The following TCF12 variants were observed in gnomAD, a reference collection of about 807,000 sequenced individuals.
TCF12 encodes the protein DNA-binding protein HTF4.
TCF12 carries 45 observed loss-of-function variants against 86.0 expected under a neutral mutation model. The ratio of observed to expected loss-of-function variants is 0.52; its 90% CI spans 0.41 to 0.67. The LOEUF (loss-of-function observed/expected upper bound fraction) is 0.67. TCF12 is among the 30% of genes least tolerant of loss of function. The pLI, the probability that TCF12 is intolerant of heterozygous loss-of-function variation, is 0.00. For synonymous variants in TCF12, 330 were observed against 299.6 expected, an observed-to-expected ratio of 1.10 and a Z score of -1.05; for missense variants, 881 against 859.9, an observed-to-expected ratio of 1.02 and a Z score of -0.31.
chr15:57,089,939 G>A (rs1349499281), intron 4 of TCF12, among the ~76,000 whole-genome samples: 1 of 152,152 alleles, frequency 6.6e-6, no homozygotes, highest in African/African-American at 2.4e-5. Flanking sequence ...TATGGGCCAG[G>A]CATGGTGGCT....
At chr15:57,126,345 A>G (rs1430513664) in intron 5 of TCF12, among the ~76,000 whole-genome samples, 1 of 152,184 alleles carries the variant, frequency 6.6e-6, no homozygotes. Context: ...TTGTTGAATC[A>G]TCCTTATAAA....
intron 9 of TCF12, 95 bp downstream of exon 9, chr15:57,231,352 G>T: frequency 3.2e-6 from 3 of 928,930 alleles, no homozygotes; most frequent in Non-Finnish European, 4.8e-6. Context: ...CTATATTCAG[G>T]CCTTATTTAG....
At chr15:57,015,261 C>G (rs1172897021) in intron 3 of TCF12, among the ~76,000 whole-genome samples, 1 of 152,190 alleles carries the variant, frequency 6.6e-6, no homozygotes, top group Non-Finnish European at 1.5e-5. Context: ...GCACTCCAGC[C>G]TGGGCGATAG....
chr15:57,077,240 G>T (rs1344245954), intron 4 of TCF12, among the ~76,000 whole-genome samples: 3 of 151,850 alleles, frequency 2.0e-5, no homozygotes, highest in Admixed American at 1.3e-4. Context: ...CAGTTGGAGG[G>T]GGAACTTAAC....
chr15:57,281,424 G>A (rs17820131), intron 19 of TCF12, among the ~76,000 whole-genome samples: 6,086 of 152,182 alleles, frequency 0.04, 375 homozygotes, highest in Admixed American at 0.17. Context: ...CTTCTCCCTC[G>A]AATTGGCACA....
At chr15:56,920,568 T>A (rs2059745833) in intron 2 of TCF12, among the ~76,000 whole-genome samples, 1 of 151,654 alleles carries the variant, frequency 6.6e-6, no homozygotes, top group Non-Finnish European at 1.5e-5. Context: ...AAGGGCCCAC[T>A]GCTTTTATTT....
intron 19 of TCF12, chr15:57,281,789 A>C (rs1470323380): frequency 6.5e-6 from 1 of 152,900 alleles, no homozygotes; most frequent in Non-Finnish European, 1.5e-5. Flanking sequence ...CCACTGACTT[A>C]ATGGTGAGTT....
At position 57,107,261 on chromosome 15, in the gene TCF12, G is replaced by T. The variant is rs557210404; in HGVS notation, c.325+15370G>T. 3.3e-4 allele frequency among the ~76,000 whole-genome samples: 50 copies of T among 152,350 alleles called. 1 individual carries two copies. The South Asian group carries it at 0.01, about 31-fold the overall frequency. On this transcript the variant is annotated intron_variant, in intron 5 of 20. Transcript: ENST00000333725. The stretch of plus-strand genomic sequence containing the variant: ...GAAATGAGCTATCAAGCCATGAAGA[G>T]AGATGGAGGAACCGTAAGTGCAGAT...
At chr15:56,954,423 A>C (rs551830267) in intron 3 of TCF12, among the ~76,000 whole-genome samples, 6 of 152,206 alleles carry the variant, frequency 3.9e-5, no homozygotes, top group African/African-American at 1.4e-4. Context: ...AATTAATTCA[A>C]GATGGATTAA....
At chr15:57,225,685 C>G (rs1234570516) in intron 8 of TCF12, among the ~76,000 whole-genome samples, 2 of 152,042 alleles carry the variant, frequency 1.3e-5, no homozygotes, top group African/African-American at 4.8e-5. Context: ...CTGATATCTT[C>G]CTAGCACTCT....
chr15:57,100,315 C>G (rs111729722), intron 5 of TCF12, among the ~76,000 whole-genome samples: 27 of 152,214 alleles, frequency 1.8e-4, no homozygotes, highest in Non-Finnish European at 3.7e-4. Context: ...AGAAGCACAC[C>G]ATAGCACGCA....
chr15:57,058,571 A>G (rs1469297954), intron 3 of TCF12, among the ~76,000 whole-genome samples: 1 of 152,166 alleles, frequency 6.6e-6, no homozygotes, highest in African/African-American at 2.4e-5. Context: ...CACCGGACTT[A>G]CTTTCTTACA....
In TCF12 at chr15:57,024,533, T is replaced by C. The variant is rs1007742128; in HGVS notation, c.149-39217T>C. ...CCAACCCAAAAAAGGTTCTTGATCCTGAGTTTGGAACCAAATGAAAAATAA... is the reference window on the plus strand; with the variant it reads ...CCAACCCAAAAAAGGTTCTTGATCCCGAGTTTGGAACCAAATGAAAAATAA... On this transcript the variant is annotated intron_variant, in intron 3 of 20. Transcript: ENST00000333725. Among the ~76,000 whole-genome samples the C allele has an allele frequency of 2.6e-5, 4 of 152,242 alleles. No homozygotes were observed. The East Asian group carries it at 5.8e-4, about 22-fold the overall frequency.
chr15:56,954,952 G>C (rs2061439315), intron 3 of TCF12, among the ~76,000 whole-genome samples: 1 of 152,194 alleles, frequency 6.6e-6, no homozygotes, highest in South Asian at 2.1e-4. Context: ...CACTGTTGGT[G>C]GGACCGTAAA....
intron 5 of TCF12, among the ~76,000 whole-genome samples, chr15:57,127,444 C>T (rs2051750159): frequency 6.6e-6 from 1 of 152,126 alleles, no homozygotes; most frequent in Non-Finnish European, 1.5e-5. Context: ...CAAGTAAAGG[C>T]AACCTATAAT....
chr15:57,021,559 T>C (rs755480163), intron 3 of TCF12, among the ~76,000 whole-genome samples: 62 of 152,312 alleles, frequency 4.1e-4, no homozygotes, highest in South Asian at 1.0e-3. Context: ...AGAATCTGTC[T>C]TAGGAAAACA....
intron 13 of TCF12, among the ~76,000 whole-genome samples, chr15:57,246,801 G>A (rs1305121480): frequency 1.3e-5 from 2 of 152,170 alleles, no homozygotes; most frequent in African/African-American, 4.8e-5. Flanking sequence ...TGTTTCAGCT[G>A]CAGTAACTTT....
chr15:57,072,655 A>G (rs535834223), intron 4 of TCF12: 21 of 1,302,478 alleles, frequency 1.6e-5, no homozygotes, highest in Non-Finnish European at 1.8e-5. Flanking sequence ...GATCTCAGGT[A>G]CAATACACGA....
intron 19 of TCF12, among the ~76,000 whole-genome samples, chr15:57,281,229 T>C (rs1445349425): frequency 1.3e-5 from 2 of 152,118 alleles, no homozygotes; most frequent in African/African-American, 4.8e-5. Context: ...GCTTATTCTT[T>C]AACCTCTTTT....
Sources: allele counts gnomAD v4.1 joint callset (sites outside exome capture counted in the v4.1 genomes callset), GRCh38; gene constraint gnomAD v4.1.1; transcripts MANE v1.5; gene names NCBI Gene and HGNC (gene_info 2026-07-23, HGNC 2026-07-21).